Variants in TMED8 observed in about 807,000 individuals in gnomAD.
TMED8 encodes transmembrane p24 trafficking protein family member 8.
TMED8 carries 15 observed loss-of-function variants against 32.7 expected under a neutral mutation model. The observed-to-expected ratio is 0.46, with a 90% CI of 0.31 to 0.71. The LOEUF (loss-of-function observed/expected upper bound fraction) is 0.71. Ranked by LOEUF, TMED8 falls within the 30% of genes least tolerant of loss-of-function variation. The pLI is 0.06. For synonymous variants in TMED8, 147 were observed against 161.4 expected (o/e 0.91, Z 0.68); for missense variants, 390 against 423.9 (o/e 0.92, Z 0.70).
chr14:77,355,949 G>A (rs1180547842), intron 1 of TMED8, among the ~76,000 whole-genome samples: 1 of 152,122 alleles, frequency 6.6e-6, no homozygotes, highest in East Asian at 1.9e-4. Context: ...GCCTTCACAG[G>A]CCACATAAAA....
At chr14:77,372,932 ATATATATATATATATATATATTTTTTT>A (rs1285453899) in intron 1 of TMED8, among the ~76,000 whole-genome samples, 7 of 32,356 alleles carry the variant, frequency 2.2e-4, no homozygotes, top group African/African-American at 1.1e-3. Flanking sequence ...ATATATATAT[ATATATATATATATATATATATTTTTTT>A]TTTTTTTTTT....
intron 1 of TMED8, among the ~76,000 whole-genome samples, chr14:77,364,028 A>G (rs764638215): frequency 5.9e-5 from 9 of 152,198 alleles, no homozygotes; most frequent in Non-Finnish European, 1.2e-4. Flanking sequence ...AGGATCATCT[A>G]TTTTACATTC....
chr14:77,360,374 A>G (rs541411057), intron 1 of TMED8, among the ~76,000 whole-genome samples: 1 of 150,548 alleles, frequency 6.6e-6, no homozygotes, highest in East Asian at 1.9e-4. Context: ...ACCTCTAGTA[A>G]CCACTATTTT....
intron 2 of TMED8, among the ~76,000 whole-genome samples, chr14:77,348,348 G>A (rs868092887): frequency 5.9e-5 from 9 of 151,368 alleles, no homozygotes; most frequent in Non-Finnish European, 1.0e-4. Flanking sequence ...TCACCCTCCC[G>A]AGTAGCTGGG....
intron 2 of TMED8, among the ~76,000 whole-genome samples, chr14:77,347,563 C>G (rs897414348): frequency 6.6e-6 from 1 of 152,192 alleles, no homozygotes; most frequent in East Asian, 1.9e-4. Context: ...CCACGACACC[C>G]GGCTAATTTT....
chr14:77,348,731 GTTTCT>G (rs142896259), intron 2 of TMED8, among the ~76,000 whole-genome samples: 27,139 of 151,880 alleles, frequency 0.18, 2,730 homozygotes, highest in Admixed American at 0.27. Flanking sequence ...TTATTAGTTT[GTTTCT>G]TTTCTTTTTT....
intron 2 of TMED8, among the ~76,000 whole-genome samples, chr14:77,347,909 T>A (rs938726393): frequency 6.6e-6 from 1 of 152,224 alleles, no homozygotes; most frequent in Non-Finnish European, 1.5e-5. Flanking sequence ...GGGGAGTCTA[T>A]GAAGTTCAAA....
At chr14:77,374,236 T>C (rs555608224) in intron 1 of TMED8, among the ~76,000 whole-genome samples, 2 of 152,336 alleles carry the variant, frequency 1.3e-5, no homozygotes, top group African/African-American at 4.8e-5. Flanking sequence ...GGCAGAAGGA[T>C]CCAATCAAAC....
chr14:77,342,836 A>T, intron 5 of TMED8, among the ~76,000 whole-genome samples: 1 of 152,226 alleles, frequency 6.6e-6, no homozygotes, highest in Non-Finnish European at 1.5e-5. Context: ...AAACTAAGAG[A>T]GAGATGTAAA....
intron 1 of TMED8, among the ~76,000 whole-genome samples, chr14:77,368,604 A>G (rs567413792): frequency 6.6e-6 from 1 of 152,076 alleles, no homozygotes; most frequent in African/African-American, 2.4e-5. Context: ...CAGCCTCCCT[A>G]GTAGCTGGGA....
At position 77,359,460 on chromosome 14, in the gene TMED8, CA is replaced by C. The variant is rs1273961077; in HGVS notation, c.119-7710del. The C allele has an allele frequency of 8.9e-5, 21 of 236,252 alleles. No individual in the cohort carries two copies. The Middle Eastern group carries it at 6.3e-3, about 71-fold the overall frequency. The allele number at this position is 236,252 out of a possible 1,614,324, so 14.6% of individuals were successfully genotyped here. A position where few individuals can be genotyped will look rare whatever the true frequency, so the allele number is the denominator to read the frequency against. On this transcript the variant is annotated intron_variant, in intron 1 of 5. Coordinates refer to ENST00000216468, the MANE Select transcript of TMED8 (RefSeq NM_213601.3). The stretch of plus-strand genomic sequence containing the variant: ...AATGTCCAAGTTTTTATCCCAGTGT[CA>C]CAAAGAAATACCAATGATGAAACAA...
chr14:77,354,694 C>T lies in TMED8; in HGVS notation c.119-2943G>A, dbSNP rs567300373. Among the ~76,000 whole-genome samples the T allele has an allele frequency of 2.0e-5, 3 of 152,322 alleles. No homozygotes were observed. In the East Asian group the frequency reaches 5.8e-4, roughly 29 times the overall value. On this transcript the variant is annotated intron_variant, in intron 1 of 5. Coordinates refer to ENST00000216468, the MANE Select transcript of TMED8 (RefSeq NM_213601.3). ...GTTGGCTGGGTGCAGTGGCTCATGCCTGTAATCCCAGCACTTTGGGAGGCC... is the reference window on the plus strand; with the variant it reads ...GTTGGCTGGGTGCAGTGGCTCATGCTTGTAATCCCAGCACTTTGGGAGGCC...
intron 5 of TMED8, among the ~76,000 whole-genome samples, 199 bp from the exon 6 acceptor site, chr14:77,342,187 G>A (rs1315696007): frequency 6.6e-6 from 1 of 152,142 alleles, no homozygotes; most frequent in African/African-American, 2.4e-5. Flanking sequence ...AAGGGTCCAG[G>A]AGTGCTAAAA....
At chr14:77,355,065 C>T (rs1188289943) in intron 1 of TMED8, among the ~76,000 whole-genome samples, 1 of 151,818 alleles carries the variant, frequency 6.6e-6, no homozygotes, top group African/African-American at 2.4e-5. Flanking sequence ...GGTTACAGCA[C>T]AGCATCTGGC....
In TMED8 at chr14:77,354,422, A is replaced by G. The variant is rs61990319; in HGVS notation, c.119-2671T>C. Among the ~76,000 whole-genome samples the G allele has an allele frequency of 6.9e-3, 1,051 of 152,300 alleles. 5 individuals are homozygous for G. The highest frequency in any genetic ancestry group is 0.011 in the Non-Finnish European group (749 of 68,020). ...TTTATATACCCTATTACTTATTTCA[A>G]ATTAACTTTTTGAAATTATACTAAT... On this transcript the variant is annotated intron_variant, in intron 1 of 5. Transcript: ENST00000216468.
intron 1 of TMED8, among the ~76,000 whole-genome samples, chr14:77,363,692 G>A (rs897221418): frequency 6.6e-6 from 1 of 151,486 alleles, no homozygotes; most frequent in African/African-American, 2.4e-5. Context: ...CAAATAAATA[G>A]CCTAACATTA....
At chr14:77,368,079 C>T (rs1253413274) in intron 1 of TMED8, among the ~76,000 whole-genome samples, 1 of 152,174 alleles carries the variant, frequency 6.6e-6, no homozygotes, top group Non-Finnish European at 1.5e-5. Flanking sequence ...AGGTTAACTC[C>T]AGTTTGGGGC....
chr14:77,369,237 T>C (rs571478039), intron 1 of TMED8, among the ~76,000 whole-genome samples: 63 of 152,274 alleles, frequency 4.1e-4, no homozygotes, highest in Non-Finnish European at 8.4e-4. Flanking sequence ...ATTCTATTCC[T>C]AGAGCCTGAC....
intron 1 of TMED8, among the ~76,000 whole-genome samples, chr14:77,360,937 G>A (rs185797891): frequency 1.1e-4 from 16 of 144,864 alleles, no homozygotes; most frequent in South Asian, 4.4e-4. Context: ...CCATTTTTAC[G>A]TCTTCTTTGG....
Sources: gnomAD v4.1 joint callset for allele counts (sites outside exome capture counted in the v4.1 genomes callset) on GRCh38, gnomAD v4.1.1 for gene constraint, MANE v1.5 for transcripts, NCBI Gene and HGNC (gene_info 2026-07-23, HGNC 2026-07-21) for gene names.